Variants in CHD1L observed in about 807,000 individuals in gnomAD.
CHD1L encodes chromodomain helicase DNA binding protein 1 like.
A neutral mutation model predicts 115.9 loss-of-function variants in CHD1L; 118 were observed. The ratio of observed to expected loss-of-function variants is 1.02; its 90% confidence interval spans 0.88 to 1.19. The LOEUF (loss-of-function observed/expected upper bound fraction) is 1.19. Among genes scored for constraint, CHD1L ranks in the 50% most tolerant of loss-of-function variants. CHD1L has a pLI of 0.00. For synonymous variants in CHD1L, 411 were observed against 387.1 expected, an observed-to-expected ratio of 1.06 and a Z score of -0.72; for missense variants, 1,179 against 1,065.3, an observed-to-expected ratio of 1.11 and a Z score of -1.49.
the CHD1L span, among the ~76,000 whole-genome samples, chr1:147,198,872 A>AAAAAAAAAAAAAAAAAAAAG: frequency 1.4e-5 from 2 of 144,592 alleles, no homozygotes; most frequent in Non-Finnish European, 3.0e-5. Context: ...AAAAAAAAAA[A>AAAAAAAAAAAAAAAAAAAAG]AAAGAAAGAA....
At chr1:147,204,931 A>G in the CHD1L span, 9 of 1,554,446 alleles carry the variant, frequency 5.8e-6, no homozygotes, top group Middle Eastern at 3.5e-4. Context: ...TTGAAGCGCC[A>G]TGGCCAGCCT....
intron 1 of CHD1L, chr1:147,243,036 G>C (rs1295296241): frequency 1.9e-6 from 1 of 518,438 alleles, no homozygotes; most frequent in East Asian, 3.8e-5. Context: ...CGGGGCCGGC[G>C]GACGCCAGAT....
At chr1:147,178,673 C>T in the CHD1L span, 86 of 1,573,936 alleles carry the variant, frequency 5.5e-5, no homozygotes, top group Middle Eastern at 1.7e-4. Flanking sequence ...TTTGCACATA[C>T]GAATGTTGAG....
intron 20 of CHD1L, among the ~76,000 whole-genome samples, chr1:147,292,504 C>A (rs1223723249): frequency 6.6e-6 from 1 of 152,176 alleles, no homozygotes; most frequent in Non-Finnish European, 1.5e-5. Context: ...AGGTTGCTGT[C>A]TATGTGACTG....
upstream of CHD1L, among the ~76,000 whole-genome samples, chr1:147,239,113 A>C (rs1664684571): frequency 6.6e-6 from 1 of 152,196 alleles, no homozygotes; most frequent in Admixed American, 6.5e-5. Context: ...CTGCACCTAG[A>C]ACTGTTTACT....
chr1:147,285,317 C>T lies in CHD1L; in HGVS notation c.1855-7C>T, dbSNP rs1682638001. ...GACCCTGGTGATGGATCTTGTTCTT[C>T]CTCTAGGTTCTCATCCCAGGCCTTG... On this transcript the variant is annotated splice_polypyrimidine_tract_variant and splice_region_variant and intron_variant, in intron 16 of 22. Coordinates refer to ENST00000369258, the MANE Select transcript of CHD1L (RefSeq NM_004284.6). 1.2e-6 allele frequency: 2 copies of T among 1,606,946 alleles called. No individual in the cohort carries two copies. The highest frequency in any genetic ancestry group is 1.3e-5 in the African/African-American group (1 of 74,376).
At chr1:147,272,451 T>C (rs1167284415) in intron 12 of CHD1L, 170 bp downstream of exon 12, 2 of 516,118 alleles carry the variant, frequency 3.9e-6, no homozygotes, top group Non-Finnish European at 6.8e-6. Flanking sequence ...ATCCAGCCTG[T>C]CCAAACTGTC....
the CHD1L span, among the ~76,000 whole-genome samples, chr1:147,229,214 G>A: frequency 1.3e-5 from 2 of 152,124 alleles, no homozygotes; most frequent in African/African-American, 2.4e-5. Flanking sequence ...TCCAGTTTCA[G>A]CTTTCTACAT....
the CHD1L span, among the ~76,000 whole-genome samples, chr1:147,224,662 A>G: frequency 1.3e-5 from 2 of 151,916 alleles, no homozygotes; most frequent in Non-Finnish European, 2.9e-5. Context: ...TGCACCCGCC[A>G]CCACGCCCGG....
the CHD1L span, chr1:147,225,163 G>T: frequency 6.6e-7 from 1 of 1,523,150 alleles, no homozygotes; most frequent in African/African-American, 1.4e-5. Flanking sequence ...TGTACAAGAG[G>T]TGTCTTGAGG....
chr1:147,243,420 C>T (rs183840512), intron 1 of CHD1L, among the ~76,000 whole-genome samples: 52 of 151,404 alleles, frequency 3.4e-4, no homozygotes, highest in Admixed American at 1.6e-3. Context: ...ACTGACTGAA[C>T]CACGTACTAT....
At chr1:147,180,987 C>T in the CHD1L span, among the ~76,000 whole-genome samples, 3 of 152,190 alleles carry the variant, frequency 2.0e-5, no homozygotes, top group Admixed American at 6.5e-5. Context: ...AGACAAGGGT[C>T]TAGAGACGAG....
chr1:147,178,966 A>T, the CHD1L span: 54 of 1,613,120 alleles, frequency 3.3e-5, no homozygotes, highest in South Asian at 5.8e-4. Flanking sequence ...CAGGGTAATG[A>T]TGGTGGCAAA....
chr1:147,291,733 C>T (rs3737854), intron 20 of CHD1L, among the ~76,000 whole-genome samples, 181 bp downstream of exon 20: 33,180 of 151,914 alleles, frequency 0.22, 4,195 homozygotes, highest in South Asian at 0.28. Flanking sequence ...TTCTGGAGGC[C>T]GAAAGTCCAA....
chr1:147,215,855 T>C, the CHD1L span: 3 of 1,613,606 alleles, frequency 1.9e-6, no homozygotes, highest in Non-Finnish European at 2.5e-6. Flanking sequence ...TGATCTGGGA[T>C]TGGATAGTCA....
chr1:147,236,530 C>T, the CHD1L span, among the ~76,000 whole-genome samples: 2 of 152,204 alleles, frequency 1.3e-5, no homozygotes, highest in Non-Finnish European at 2.9e-5. Context: ...TGGATAGTTC[C>T]TCTCCACAGG....
chr1:147,266,123 TGAG>T (rs782230734), intron 8 of CHD1L, 36 bp downstream of exon 8: 2 of 1,570,840 alleles, frequency 1.3e-6, no homozygotes, highest in East Asian at 4.5e-5. Flanking sequence ...AGAAACTAAA[TGAG>T]GATGTGATTT....
At position 147,284,468 on chromosome 1, in the gene CHD1L, A is replaced by G; in HGVS notation, c.1823A>G (p.Gln608Arg). ...LQKTLLEKASQEGRSLRNKGS... is the reference protein window; with the variant it reads ...LQKTLLEKASREGRSLRNKGS... ...AAAACCCTTTTGGAGAAAGCTAGTC[A>G]AGAGGGCCGATCACTCCGAAATAAA... The change falls in exon 16 of 23, where the codon CAA becomes CGA. Residue 608 changes from glutamine (Q) to arginine (R), a missense_variant. Gln to Arg is a conservative substitution (Grantham distance 43). Coordinates refer to ENST00000369258, the MANE Select transcript of CHD1L (RefSeq NM_004284.6). 6.2e-7 allele frequency: 1 copy of G among 1,610,238 alleles called. No homozygotes were observed. Among genetic ancestry groups the G allele is most frequent in the Non-Finnish European group, 8.5e-7 (1 of 1,178,870 alleles).
the CHD1L span, among the ~76,000 whole-genome samples, chr1:147,180,794 C>G: frequency 6.6e-6 from 1 of 152,186 alleles, no homozygotes; most frequent in Non-Finnish European, 1.5e-5. Flanking sequence ...AGGTCCACCT[C>G]TCCTTTTGAC....
Sources: allele counts gnomAD v4.1 joint callset (sites outside exome capture counted in the v4.1 genomes callset), GRCh38; gene constraint gnomAD v4.1.1; transcripts MANE v1.5; gene names NCBI Gene and HGNC (gene_info 2026-07-23, HGNC 2026-07-21).